Variants in ATAT1 observed in about 807,000 individuals in gnomAD.
ATAT1 encodes the protein alpha-tubulin N-acetyltransferase 1.
ATAT1 carries 42 observed loss-of-function variants against 57.2 expected under a neutral mutation model. The observed-to-expected ratio is 0.73, with a 90% CI of 0.57 to 0.95. ATAT1 has a LOEUF of 0.95. ATAT1 is among the 40% of genes least tolerant of loss of function. ATAT1 has a pLI of 0.00. For synonymous variants in ATAT1, 168 were observed against 187.1 expected (o/e 0.90, Z 0.83); for missense variants, 454 against 523.7 (o/e 0.87, Z 1.30).
At chr6:30,631,887 A>G (rs1762958920) in intron 6 of ATAT1, among the ~76,000 whole-genome samples, 1 of 152,174 alleles carries the variant, frequency 6.6e-6, no homozygotes, top group Non-Finnish European at 1.5e-5. Context: ...TGTGCCTGAA[A>G]GAGCAAATTG....
intron 8 of ATAT1, among the ~76,000 whole-genome samples, chr6:30,641,059 A>C (rs537547616): frequency 8.5e-5 from 13 of 152,182 alleles, no homozygotes; most frequent in African/African-American, 2.9e-4. Flanking sequence ...GATATGGAGA[A>C]ACCAAACCTC....
intron 6 of ATAT1, among the ~76,000 whole-genome samples, chr6:30,630,358 C>T (rs904945549): frequency 2.0e-5 from 3 of 150,188 alleles, no homozygotes; most frequent in Non-Finnish European, 3.0e-5. Context: ...AGGCCAGGTG[C>T]GGTGCGGTGG....
intron 6 of ATAT1, among the ~76,000 whole-genome samples, chr6:30,631,038 A>G (rs1162060797): frequency 1.3e-5 from 2 of 152,132 alleles, no homozygotes; most frequent in Non-Finnish European, 2.9e-5. Context: ...AAACATAATA[A>G]ACAATATGGT....
At chr6:30,646,392 G>C in intron 12 of ATAT1, 77 bp from the exon 13 acceptor site, 1 of 1,453,582 alleles carries the variant, frequency 6.9e-7, no homozygotes, top group Non-Finnish European at 9.1e-7. Context: ...AACCTGGCCC[G>C]AGACCTTGAA....
chr6:30,643,023 T>G lies in ATAT1; in HGVS notation c.932+12T>G. Reference sequence around the variant, plus strand: ...CGTCGTCGCACCAGGTAATAGGAGTTGAAGGGCTAAGGAGCCTCACAGCTA... The same window carrying G: ...CGTCGTCGCACCAGGTAATAGGAGTGGAAGGGCTAAGGAGCCTCACAGCTA... On this transcript the variant is annotated intron_variant, in intron 10 of 12. Coordinates refer to ENST00000330083, the MANE Select transcript of ATAT1 (RefSeq NM_001031722.4). 1 of 1,604,658 alleles carries G rather than the reference T, an allele frequency of 6.2e-7. No individual in the cohort carries two copies. Among genetic ancestry groups the G allele is most frequent in the Non-Finnish European group, 8.5e-7 (1 of 1,174,694 alleles).
chr6:30,634,692 A>T (rs1421296976), intron 6 of ATAT1, among the ~76,000 whole-genome samples: 8 of 131,808 alleles, frequency 6.1e-5, no homozygotes, highest in South Asian at 4.9e-4. Context: ...AACCTTGTTT[A>T]AAAAAAAAAA....
At chr6:30,631,864 C>T (rs1022259967) in intron 6 of ATAT1, among the ~76,000 whole-genome samples, 3 of 152,048 alleles carry the variant, frequency 2.0e-5, no homozygotes, top group Admixed American at 2.0e-4. Flanking sequence ...AGTGTATGGC[C>T]GTGAGGTGGG....
In ATAT1 at chr6:30,642,831, CAGCCCA is replaced by C; in HGVS notation, c.753_758del (p.Ala252_His253del). ...AGGGCCCCTCGCCGCGCCACACCTC[CAGCCCA>C]CCCACCCCCCCGCTCCAGCAGCCTG... On this transcript the variant is annotated inframe_deletion, in exon 10 of 13. Transcript: ENST00000330083. 6.3e-7 allele frequency: 1 copy of C among 1,583,202 alleles called. No homozygotes were observed.
intron 6 of ATAT1, among the ~76,000 whole-genome samples, chr6:30,628,901 CTT>C (rs78380830): frequency 5.1e-5 from 7 of 136,742 alleles, no homozygotes; most frequent in Admixed American, 1.5e-4. Context: ...CCGCATCTGA[CTT>C]TTTTTTTTTT....
At chr6:30,640,292 T>C (rs1269052272) in intron 6 of ATAT1, 85 bp from the exon 7 acceptor site, 2 of 1,453,978 alleles carry the variant, frequency 1.4e-6, no homozygotes, top group Non-Finnish European at 1.9e-6. Flanking sequence ...GTTCACACAA[T>C]GAAATCACCC....
intron 6 of ATAT1, among the ~76,000 whole-genome samples, chr6:30,632,922 CAG>C (rs1763223742): frequency 7.2e-6 from 1 of 138,764 alleles, no homozygotes; most frequent in African/African-American, 2.8e-5. Context: ...AGCCTGGTGA[CAG>C]AGTAAGACCC....
At chr6:30,633,324 G>A (rs1462626842) in intron 6 of ATAT1, among the ~76,000 whole-genome samples, 2 of 152,152 alleles carry the variant, frequency 1.3e-5, no homozygotes, top group Non-Finnish European at 2.9e-5. Flanking sequence ...GATCAGGGAG[G>A]AGGTTTGGGG....
At chr6:30,631,299 T>C (rs995016457) in intron 6 of ATAT1, among the ~76,000 whole-genome samples, 1 of 151,844 alleles carries the variant, frequency 6.6e-6, no homozygotes, top group South Asian at 2.1e-4. Flanking sequence ...CTGGCTAACA[T>C]GGTGAAACCC....
At chr6:30,644,756 T>C (rs1766325124) in intron 10 of ATAT1, 1 of 571,402 alleles carries the variant, frequency 1.8e-6, no homozygotes. Flanking sequence ...TTCTCACTTC[T>C]GAGATCTGCA....
At chr6:30,645,837 T>C in intron 10 of ATAT1, 58 bp from the exon 11 acceptor site, 5 of 1,290,070 alleles carry the variant, frequency 3.9e-6, no homozygotes, top group Non-Finnish European at 5.2e-6. Flanking sequence ...GATTCCTCCA[T>C]ACCCACCCAT....
Position 30,628,410 on chromosome 6 carries a change from C to T in ATAT1, c.481C>T (p.Leu161=). 6.2e-7 allele frequency: 1 copy of T among 1,612,558 alleles called. No individual in the cohort carries two copies. The highest frequency in any genetic ancestry group is 8.5e-7 in the Non-Finnish European group (1 of 1,179,532). Reference sequence around the variant, plus strand: ...GAAATTCCTGAATAAGCACTACAATCTGGAGACCACAGTCCCACAGGTTAG... The same window carrying T: ...GAAATTCCTGAATAAGCACTACAATTTGGAGACCACAGTCCCACAGGTTAG... Residue 161 remains leucine, a synonymous_variant, in exon 6 of 13, where the codon CTG becomes TTG. Transcript: ENST00000330083.
rs1159178145 is a variant in ATAT1 at position 30,628,019 on chromosome 6, G to T, written c.286-13G>T. The T allele has an allele frequency of 3.7e-6, 6 of 1,612,168 alleles. No homozygotes were observed. Among genetic ancestry groups the T allele is most frequent in the Non-Finnish European group, 5.1e-6 (6 of 1,179,410 alleles). ...CCGGGGTTCCTAAAACATTTTTATT[G>T]TTTCTCTCTTAGGATGATCGTGAGG... On this transcript the variant is annotated splice_polypyrimidine_tract_variant and intron_variant, in intron 4 of 12. Coordinates refer to ENST00000330083, the MANE Select transcript of ATAT1 (RefSeq NM_001031722.4).
chr6:30,642,660 A>G, intron 9 of ATAT1, 108 bp from the exon 10 acceptor site: 1 of 804,752 alleles, frequency 1.2e-6, no homozygotes, highest in Non-Finnish European at 2.0e-6. Context: ...AAAAAAAAAA[A>G]AAAGAAAGAC....
At chr6:30,643,193 G>A (rs1034178466) in intron 10 of ATAT1, 182 bp downstream of exon 10, 5 of 1,442,574 alleles carry the variant, frequency 3.5e-6, no homozygotes, top group African/African-American at 1.4e-5. Flanking sequence ...CAGTGAAGGA[G>A]CAGAATAGGA....
Sources: allele counts gnomAD v4.1 joint callset (sites outside exome capture counted in the v4.1 genomes callset), GRCh38; gene constraint gnomAD v4.1.1; transcripts MANE v1.5; gene names NCBI Gene and HGNC (gene_info 2026-07-23, HGNC 2026-07-21).